SGCZ: variants seen among roughly 807,000 people sequenced by gnomAD.
SGCZ encodes the protein sarcoglycan zeta, also known as zeta-sarcoglycan.
In SGCZ, 40 loss-of-function variants were observed where a neutral mutation model predicts 41.3. The ratio of observed to expected loss-of-function variants is 0.97; its 90% CI spans 0.75 to 1.26. The LOEUF (loss-of-function observed/expected upper bound fraction) is 1.26, where lower values mean the gene tolerates loss of function less well. SGCZ is among the 50% of genes most tolerant of loss of function. SGCZ has a pLI of 0.00. For synonymous variants in SGCZ, 206 were observed against 137.5 expected (o/e 1.50, Z -3.49); for missense variants, 552 against 369.8 (o/e 1.49, Z -4.04).
At chr8:15,035,554 G>A (rs1803844771) in intron 1 of SGCZ, among the ~76,000 whole-genome samples, 1 of 152,056 alleles carries the variant, frequency 6.6e-6, no homozygotes, top group African/African-American at 2.4e-5. Flanking sequence ...ATGACATAGA[G>A]TAGCTAAATA....
chr8:15,035,095 T>C (rs533879440), intron 1 of SGCZ, among the ~76,000 whole-genome samples: 82 of 152,206 alleles, frequency 5.4e-4, no homozygotes, highest in African/African-American at 1.9e-3. Context: ...CATTTGTATT[T>C]TTAGTATGAA....
intron 2 of SGCZ, among the ~76,000 whole-genome samples, chr8:14,446,275 A>C (rs1323141052): frequency 3.9e-5 from 6 of 152,170 alleles, no homozygotes; most frequent in Non-Finnish European, 5.9e-5. Flanking sequence ...CACTGGTTTT[A>C]CCTACTGCTG....
chr8:14,709,503 A>G (rs1021136340), intron 1 of SGCZ, among the ~76,000 whole-genome samples: 2 of 152,210 alleles, frequency 1.3e-5, no homozygotes, highest in African/African-American at 2.4e-5. Context: ...CTTGGAGGAG[A>G]TATCACCCTT....
chr8:14,986,182 G>C (rs923919504), intron 1 of SGCZ, among the ~76,000 whole-genome samples: 1 of 151,936 alleles, frequency 6.6e-6, no homozygotes, highest in Admixed American at 6.6e-5. Flanking sequence ...ACATTTTTAA[G>C]TTTCATATGC....
chr8:14,210,092 C>G (rs1421216019), intron 4 of SGCZ, among the ~76,000 whole-genome samples: 1 of 152,154 alleles, frequency 6.6e-6, no homozygotes, highest in African/African-American at 2.4e-5. Flanking sequence ...GGGTCTCACT[C>G]TGTCGCCCAG....
intron 2 of SGCZ, among the ~76,000 whole-genome samples, chr8:14,364,888 T>G (rs748164343): frequency 6.6e-6 from 1 of 152,270 alleles, no homozygotes; most frequent in East Asian, 1.9e-4. Flanking sequence ...AAATATATAG[T>G]TCTTCTGAAA....
chr8:14,287,680 T>A (rs1011710678), intron 3 of SGCZ, among the ~76,000 whole-genome samples: 3 of 152,122 alleles, frequency 2.0e-5, no homozygotes, highest in Admixed American at 6.6e-5. Flanking sequence ...TTAATTTTTT[T>A]AAATATATTT....
intron 2 of SGCZ, among the ~76,000 whole-genome samples, chr8:14,466,512 T>C (rs1364630110): frequency 1.3e-5 from 2 of 151,950 alleles, no homozygotes. Flanking sequence ...CTCTTGAAAA[T>C]TCAGTGTCAT....
At chr8:15,176,389 A>G (rs1164237652) in intron 1 of SGCZ, among the ~76,000 whole-genome samples, 1 of 152,296 alleles carries the variant, frequency 6.6e-6, no homozygotes, top group East Asian at 1.9e-4. Context: ...AAGATAGTGC[A>G]TGTCTATAAA....
intron 1 of SGCZ, among the ~76,000 whole-genome samples, chr8:15,151,852 G>A (rs58374201): frequency 0.042 from 6,321 of 152,136 alleles, 383 homozygotes; most frequent in African/African-American, 0.14. Context: ...TCAATATACT[G>A]GCTTTTTCAT....
At chr8:14,199,079 C>G (rs1351821522) in intron 4 of SGCZ, among the ~76,000 whole-genome samples, 1 of 152,112 alleles carries the variant, frequency 6.6e-6, no homozygotes, top group Non-Finnish European at 1.5e-5. Context: ...AGGGAGATAA[C>G]CTTAAACTCT....
At chr8:14,289,260 T>C (rs538741648) in intron 3 of SGCZ, among the ~76,000 whole-genome samples, 15 of 152,170 alleles carry the variant, frequency 9.9e-5, no homozygotes, top group Admixed American at 8.5e-4. Context: ...AATGAGTATT[T>C]TTTTAATTAT....
intron 1 of SGCZ, among the ~76,000 whole-genome samples, chr8:14,919,248 G>C (rs1237410114): frequency 1.3e-5 from 2 of 152,056 alleles, no homozygotes; most frequent in African/African-American, 4.8e-5. Context: ...AGATCAGCCT[G>C]GGTAACATGG....
chr8:14,787,616 G>C (rs1035011937), intron 1 of SGCZ, among the ~76,000 whole-genome samples: 3 of 152,066 alleles, frequency 2.0e-5, no homozygotes, highest in Non-Finnish European at 4.4e-5. Context: ...GGGGACCAAA[G>C]TGGGCGGATC....
At chr8:14,515,429 T>C (rs1261025886) in intron 2 of SGCZ, among the ~76,000 whole-genome samples, 1 of 152,134 alleles carries the variant, frequency 6.6e-6, no homozygotes. Flanking sequence ...TAAGACAACA[T>C]ACGCATCAAT....
At chr8:14,459,481 G>C (rs1437895419) in intron 2 of SGCZ, among the ~76,000 whole-genome samples, 1 of 151,984 alleles carries the variant, frequency 6.6e-6, no homozygotes, top group Non-Finnish European at 1.5e-5. Flanking sequence ...AAGGCAGAAG[G>C]GAGATACGAA....
At chr8:15,081,635 G>C (rs1051289646) in intron 1 of SGCZ, among the ~76,000 whole-genome samples, 2 of 152,184 alleles carry the variant, frequency 1.3e-5, no homozygotes, top group African/African-American at 4.8e-5. Context: ...GACACACACA[G>C]TGACATTTCC....
chr8:14,149,999 T>C (rs2116948687), intron 5 of SGCZ, among the ~76,000 whole-genome samples: 1 of 152,234 alleles, frequency 6.6e-6, no homozygotes, highest in African/African-American at 2.4e-5. Flanking sequence ...TAGACCCCTA[T>C]CTCTTGCCAT....
chr8:15,087,753 G>T (rs1806001969), intron 1 of SGCZ, among the ~76,000 whole-genome samples: 1 of 152,056 alleles, frequency 6.6e-6, no homozygotes, highest in Non-Finnish European at 1.5e-5. Context: ...ATTAAGTAAA[G>T]CTTCAAAGAA....
Sources: gnomAD v4.1 joint callset for allele counts (sites outside exome capture counted in the v4.1 genomes callset) on GRCh38, gnomAD v4.1.1 for gene constraint, MANE v1.5 for transcripts, NCBI Gene and HGNC (gene_info 2026-07-23, HGNC 2026-07-21) for gene names.